TENM2: variants seen among roughly 807,000 people sequenced by gnomAD.
TENM2 encodes the protein teneurin transmembrane protein 2.
TENM2 carries 52 observed loss-of-function variants against 245.2 expected under a neutral mutation model. The ratio of observed to expected loss-of-function variants is 0.21; its 90% CI spans 0.17 to 0.27. The LOEUF (loss-of-function observed/expected upper bound fraction) is 0.27. Ranked by LOEUF, TENM2 falls within the 10% of genes least tolerant of loss-of-function variation. TENM2 has a pLI of 1.00. For synonymous variants in TENM2, 1,363 were observed against 1,438.9 expected (o/e 0.95, Z 1.19); for missense variants, 3,046 against 3,666.8 (o/e 0.83, Z 4.37).
At chr5:167,923,706 A>G (rs753523718) in intron 3 of TENM2, among the ~76,000 whole-genome samples, 8 of 151,988 alleles carry the variant, frequency 5.3e-5, no homozygotes, top group Admixed American at 3.9e-4. Context: ...AAATAAGCAA[A>G]TCAGGGCCCT....
intron 2 of TENM2, among the ~76,000 whole-genome samples, chr5:167,649,623 C>T (rs529217220): frequency 3.9e-5 from 6 of 152,174 alleles, no homozygotes; most frequent in South Asian, 4.2e-4. Context: ...CCATTTAAAG[C>T]GGTGCTGTAA....
At chr5:167,342,685 G>A (rs1446839006) in intron 1 of TENM2, among the ~76,000 whole-genome samples, 1 of 151,568 alleles carries the variant, frequency 6.6e-6, no homozygotes, top group African/African-American at 2.4e-5. Context: ...CCGCCACTGC[G>A]CCTGGCTAAT....
intron 17 of TENM2, 149 bp downstream of exon 19, chr5:168,200,280 C>T (rs956146279): frequency 5.2e-5 from 38 of 727,166 alleles, no homozygotes; most frequent in Non-Finnish European, 7.9e-5. Context: ...TCCTCTTCCA[C>T]GGGGTTTACA....
intron 3 of TENM2, among the ~76,000 whole-genome samples, chr5:167,908,037 G>T (rs919717848): frequency 3.9e-5 from 6 of 152,024 alleles, no homozygotes; most frequent in African/African-American, 7.2e-5. Flanking sequence ...GTAAAATGAG[G>T]ACATTCAATT....
At chr5:167,608,298 T>A (rs974026891) in intron 2 of TENM2, among the ~76,000 whole-genome samples, 3 of 152,238 alleles carry the variant, frequency 2.0e-5, no homozygotes, top group Admixed American at 6.5e-5. Context: ...TCTTGGGGAC[T>A]GTCTCTTGTA....
At chr5:167,298,475 C>T (rs983419632) in intron 1 of TENM2, among the ~76,000 whole-genome samples, 3 of 152,172 alleles carry the variant, frequency 2.0e-5, no homozygotes, top group South Asian at 2.1e-4. Flanking sequence ...AGGTGGCGGG[C>T]GCCTGAAGTC....
At chr5:167,337,041 C>T (rs1350436215) in intron 1 of TENM2, among the ~76,000 whole-genome samples, 3 of 143,158 alleles carry the variant, frequency 2.1e-5, no homozygotes, top group East Asian at 2.2e-4. Flanking sequence ...GGCGTGAACC[C>T]GGGAAGCGGA....
chr5:167,690,499 C>T (rs1187182971), intron 2 of TENM2, among the ~76,000 whole-genome samples: 1 of 152,078 alleles, frequency 6.6e-6, no homozygotes, highest in African/African-American at 2.4e-5. Flanking sequence ...TATCTTTCTT[C>T]ACATCCTGAA....
At chr5:167,240,285 T>C in the TENM2 span, among the ~76,000 whole-genome samples, 1 of 151,830 alleles carries the variant, frequency 6.6e-6, no homozygotes, top group African/African-American at 2.4e-5. Flanking sequence ...TGTTTGTCCG[T>C]GTTTATACTG....
Position 168,052,611 on chromosome 5 carries a change from G to T in TENM2, c.1309+5062G>T, listed in dbSNP as rs540385764. Among the ~76,000 whole-genome samples the T allele has an allele frequency of 9.9e-5, 15 of 152,114 alleles. 1 individual carries two copies. Among genetic ancestry groups the T allele is most frequent in the African/African-American group, 3.6e-4 (15 of 41,500 alleles). On this transcript the variant is annotated intron_variant, in intron 6 of 28. Transcript: ENST00000518659. ...CAGATGAGGATTTCTTCCCAACATT[G>T]GCTTGATGAGGTCAGTAGGAAGCAG...
At chr5:167,278,090 G>T in the TENM2 span, among the ~76,000 whole-genome samples, 1 of 151,894 alleles carries the variant, frequency 6.6e-6, no homozygotes, top group Non-Finnish European at 1.5e-5. Context: ...GATCTCTTGG[G>T]CCCAGGAGTT....
chr5:167,210,717 C>T, the TENM2 span, among the ~76,000 whole-genome samples: 1 of 152,070 alleles, frequency 6.6e-6, no homozygotes, highest in Non-Finnish European at 1.5e-5. Flanking sequence ...CCCGCCTCGG[C>T]CTCCCAAAGT....
At chr5:166,998,108 C>G in the TENM2 span, among the ~76,000 whole-genome samples, 1 of 152,096 alleles carries the variant, frequency 6.6e-6, no homozygotes, top group Non-Finnish European at 1.5e-5. Context: ...AAGAAAGATT[C>G]AGCACTTATT....
the TENM2 span, among the ~76,000 whole-genome samples, chr5:167,238,009 C>CAAAAAAAAAAAA: frequency 2.3e-5 from 1 of 44,114 alleles, no homozygotes; most frequent in Admixed American, 2.7e-4. Context: ...GACTCTGTCT[C>CAAAAAAAAAAAA]AAAAAAAAAA....
chr5:167,307,740 A>C (rs1755761842), intron 1 of TENM2, among the ~76,000 whole-genome samples: 1 of 152,238 alleles, frequency 6.6e-6, no homozygotes, highest in Admixed American at 6.5e-5. Context: ...AAGTAAAAAA[A>C]GAAAAATCTG....
At chr5:167,933,967 G>A (rs1778494016) in intron 3 of TENM2, among the ~76,000 whole-genome samples, 1 of 152,216 alleles carries the variant, frequency 6.6e-6, no homozygotes, top group Non-Finnish European at 1.5e-5. Flanking sequence ...GAATAAGTGT[G>A]AAAATGAATT....
At chr5:167,255,053 G>A in the TENM2 span, among the ~76,000 whole-genome samples, 1 of 151,054 alleles carries the variant, frequency 6.6e-6, no homozygotes, top group Non-Finnish European at 1.5e-5. Context: ...GACCTACAGA[G>A]AATGTATTTC....
intron 27 of TENM2, among the ~76,000 whole-genome samples, chr5:168,250,703 G>A (rs543351570): frequency 1.3e-5 from 2 of 152,252 alleles, no homozygotes; most frequent in Non-Finnish European, 2.9e-5. Context: ...CGGAAGTTAT[G>A]GCCAAGCGAC....
chr5:167,441,950 G>A (rs549438743), intron 2 of TENM2, among the ~76,000 whole-genome samples: 1 of 152,172 alleles, frequency 6.6e-6, no homozygotes, highest in African/African-American at 2.4e-5. Context: ...GTGTTCTTGG[G>A]TAAACCCCCT....
Sources: allele counts gnomAD v4.1 joint callset (sites outside exome capture counted in the v4.1 genomes callset), GRCh38; gene constraint gnomAD v4.1.1; transcripts MANE v1.5; gene names NCBI Gene and HGNC (gene_info 2026-07-23, HGNC 2026-07-21).